Variants in GALNT18 observed in about 807,000 individuals in gnomAD.
GALNT18 encodes GalNAc-transferase 18.
GALNT18 carries 44 observed loss-of-function variants against 69.5 expected under a neutral mutation model. The observed-to-expected ratio is 0.63, with a 90% CI of 0.50 to 0.81. The LOEUF is 0.81. Among genes scored for constraint, GALNT18 ranks in the 40% least tolerant of loss-of-function variants. GALNT18 has a pLI of 0.00. For synonymous variants in GALNT18, 364 were observed against 318.2 expected, an observed-to-expected ratio of 1.14 and a Z score of -1.53; for missense variants, 715 against 810.0, an observed-to-expected ratio of 0.88 and a Z score of 1.42.
At chr11:11,531,936 G>A (rs1857659619) in intron 1 of GALNT18, among the ~76,000 whole-genome samples, 1 of 152,192 alleles carries the variant, frequency 6.6e-6, no homozygotes. Context: ...GTGTGTGAGT[G>A]CAGGTACTAT....
At position 11,432,665 on chromosome 11, in the gene GALNT18, T is replaced by A. The variant is rs770455467; in HGVS notation, c.551A>T (p.His184Leu). 6.2e-7 allele frequency: 1 copy of A among 1,612,378 alleles called. No homozygotes were observed. Among genetic ancestry groups the A allele is most frequent in the Non-Finnish European group, 8.5e-7 (1 of 1,179,324 alleles). ...CACCAGAATGATCTCCTTGAGCAGA[T>A]GTGGGGGCGTGCGTTCCATGGCCGA... ...IHSAMERTPP[H>L]LLKEIILVDD... The change falls in exon 3 of 11, where the codon CAT becomes CTT. Residue 184 changes from histidine to leucine, a missense_variant. His to Leu is a moderately conservative substitution (Grantham distance 99, BLOSUM62 -3). Coordinates refer to ENST00000227756, the MANE Select transcript of GALNT18 (RefSeq NM_198516.3). The surrounding 1 kb of genome is among the most constrained non-coding windows in gnomAD (Gnocchi z 5.8).
In GALNT18 at chr11:11,389,311, T is replaced by C. The variant is rs540792056; in HGVS notation, c.596-10047A>G. On this transcript the variant is annotated intron_variant, in intron 3 of 10. Transcript: ENST00000227756. The surrounding 1 kb of genome is among the most constrained non-coding windows in gnomAD (Gnocchi z 4.3). Reference sequence around the variant, plus strand: ...AACAGAAGCTCTTCCCCTGGGACCATAACTCCGTGTCCTCTATTTGTCCAC... The same window carrying C: ...AACAGAAGCTCTTCCCCTGGGACCACAACTCCGTGTCCTCTATTTGTCCAC... Among the ~76,000 whole-genome samples, 1 of 152,180 alleles carries C rather than the reference T, an allele frequency of 6.6e-6. No homozygotes were observed. The highest frequency in any genetic ancestry group is 1.5e-5 in the Non-Finnish European group (1 of 68,034).
chr11:11,291,323 AT>A (rs1202013868), intron 10 of GALNT18, among the ~76,000 whole-genome samples: 2 of 151,248 alleles, frequency 1.3e-5, no homozygotes, highest in Non-Finnish European at 3.0e-5. Flanking sequence ...GTAAGAGAGA[AT>A]TTGAACTATT....
chr11:11,607,895 G>A (rs909230892), intron 1 of GALNT18, among the ~76,000 whole-genome samples: 2 of 152,232 alleles, frequency 1.3e-5, no homozygotes, highest in Non-Finnish European at 2.9e-5. Context: ...TCCTGGCATT[G>A]TCTGCTGCCC....
chr11:11,612,995 T>G (rs1859949956), intron 1 of GALNT18, among the ~76,000 whole-genome samples: 1 of 152,232 alleles, frequency 6.6e-6, no homozygotes, highest in Non-Finnish European at 1.5e-5. Context: ...TTATGGTGGC[T>G]GGACACTCAG....
chr11:11,385,594 C>T (rs1004975104), intron 3 of GALNT18, among the ~76,000 whole-genome samples: 56 of 152,120 alleles, frequency 3.7e-4, no homozygotes, highest in African/African-American at 1.2e-3. Flanking sequence ...CATGCCCGGC[C>T]TATTGGGGAT....
Position 11,270,929 on chromosome 11 carries a change from A to G in GALNT18, c.*215T>C, listed in dbSNP as rs1237976735. On this transcript the variant is annotated 3_prime_UTR_variant, in exon 11 of 11. Coordinates refer to ENST00000227756, the MANE Select transcript of GALNT18 (RefSeq NM_198516.3). ...TATAAATATTTTCCATCTGTCCCCT[A>G]TTTACAACTGCAAAATAGTTTGATA... The G allele has an allele frequency of 4.4e-6, 2 of 455,978 alleles. No individual in the cohort carries two copies. Among genetic ancestry groups the G allele is most frequent in the Non-Finnish European group, 7.8e-6 (2 of 255,372 alleles). The allele number at this position is 455,978 out of a possible 1,614,324, so 28.2% of individuals were successfully genotyped here. A position where few individuals can be genotyped will look rare whatever the true frequency, so the allele number is the denominator to read the frequency against.
At position 11,356,131 on chromosome 11, in the gene GALNT18, A is replaced by T. The variant is rs1396713822; in HGVS notation, c.1093-15127T>A. Among the ~76,000 whole-genome samples the T allele has an allele frequency of 6.6e-6, 1 of 152,224 alleles. No homozygotes were observed. Among genetic ancestry groups the T allele is most frequent in the Non-Finnish European group, 1.5e-5 (1 of 68,042 alleles). ...CCCTTTGCATTGCTTTACAAAGCCA[A>T]GAACATTTGTATTTGGAGATGCCCC... On this transcript the variant is annotated intron_variant, in intron 6 of 10. Transcript: ENST00000227756. The surrounding 1 kb of genome is among the most constrained non-coding windows in gnomAD (Gnocchi z 4.4).
chr11:11,448,221 A>G (rs1157828638), intron 2 of GALNT18, among the ~76,000 whole-genome samples: 1 of 152,120 alleles, frequency 6.6e-6, no homozygotes, highest in Non-Finnish European at 1.5e-5. Flanking sequence ...AGCTCACAAA[A>G]ATTAATGAGA....
chr11:11,440,352 G>T (rs1855507407), intron 2 of GALNT18, among the ~76,000 whole-genome samples: 1 of 152,210 alleles, frequency 6.6e-6, no homozygotes, highest in Non-Finnish European at 1.5e-5. Context: ...GGCTCTGATG[G>T]AAAAGCCACG....
intron 1 of GALNT18, among the ~76,000 whole-genome samples, chr11:11,495,280 A>G (rs1008612849): frequency 6.6e-6 from 1 of 152,194 alleles, no homozygotes; most frequent in Non-Finnish European, 1.5e-5. Context: ...AGGTTAAACA[A>G]AGCTAAACAT....
At chr11:11,428,794 A>C (rs1054007134) in intron 3 of GALNT18, among the ~76,000 whole-genome samples, 1 of 152,244 alleles carries the variant, frequency 6.6e-6, no homozygotes, top group African/African-American at 2.4e-5. Flanking sequence ...AAAATACAAT[A>C]GAATTGAATT....
chr11:11,294,700 C>T (rs375734443), intron 9 of GALNT18, among the ~76,000 whole-genome samples: 1 of 151,994 alleles, frequency 6.6e-6, no homozygotes, highest in Non-Finnish European at 1.5e-5. Flanking sequence ...TAGTTTGGGT[C>T]TGGTCTAGGG....
rs2133972837 is a variant in GALNT18, at chr11:11,616,781, T to C, written c.235+4578A>G. 6.6e-6 allele frequency among the ~76,000 whole-genome samples: 1 copy of C among 152,350 alleles called. No homozygotes were observed. The highest frequency in any genetic ancestry group is 3.4e-3 in the Middle Eastern group (1 of 294). ...TTTGTTCTCAAACGTGTTTACACTA[T>C]TTGTACTTGTCACTGTAACGGCATA... On this transcript the variant is annotated intron_variant, in intron 1 of 10. Transcript: ENST00000227756. This position sits in a 1 kb window ranked among gnomAD's most constrained non-coding sequence, Gnocchi z 4.4.
intron 10 of GALNT18, among the ~76,000 whole-genome samples, chr11:11,288,089 G>A (rs1002715975): frequency 1.3e-5 from 2 of 152,098 alleles, no homozygotes; most frequent in African/African-American, 4.8e-5. Context: ...GCTTTCAGCT[G>A]CCAGGGGGAT....
At chr11:11,507,232 G>A (rs1300891603) in intron 1 of GALNT18, among the ~76,000 whole-genome samples, 2 of 152,080 alleles carry the variant, frequency 1.3e-5, no homozygotes, top group Non-Finnish European at 2.9e-5. Context: ...CTAAACAAAA[G>A]GAGAAATCAT....
At chr11:11,312,426 G>C (rs1010653960) in intron 9 of GALNT18, among the ~76,000 whole-genome samples, 20 of 152,210 alleles carry the variant, frequency 1.3e-4, no homozygotes, top group Admixed American at 9.8e-4. Context: ...TCACAAAGAT[G>C]AGAAAAATTT....
At chr11:11,370,415 G>T (rs1021406473) in intron 6 of GALNT18, among the ~76,000 whole-genome samples, 5 of 152,112 alleles carry the variant, frequency 3.3e-5, no homozygotes, top group African/African-American at 1.2e-4. Flanking sequence ...TTTTGCTGAC[G>T]ATCAGTGGTT....
chr11:11,427,629 A>G (rs1397249278), intron 3 of GALNT18, among the ~76,000 whole-genome samples: 1 of 152,180 alleles, frequency 6.6e-6, no homozygotes, highest in Non-Finnish European at 1.5e-5. Flanking sequence ...GGGTTCGCAG[A>G]GGTTAAGAAC....
Sources: allele counts gnomAD v4.1 joint callset (sites outside exome capture counted in the v4.1 genomes callset), GRCh38; gene constraint gnomAD v4.1.1; non-coding constraint Gnocchi (gnomAD v3.1); transcripts MANE v1.5; gene names NCBI Gene and HGNC (gene_info 2026-07-23, HGNC 2026-07-21).